The following TENM3 variants were observed in gnomAD, a reference collection of about 807,000 sequenced individuals.
TENM3 encodes teneurin-3.
A neutral mutation model predicts 255.1 loss-of-function variants in TENM3; 63 were observed. The ratio of observed to expected loss-of-function variants is 0.25; its 90% CI spans 0.20 to 0.30. TENM3 has a LOEUF of 0.30. TENM3 is among the 10% of genes least tolerant of loss of function. TENM3 has a pLI of 1.00. For missense variants in TENM3, 2,929 were observed against 3,461.1 expected, an observed-to-expected ratio of 0.85 and a Z score of 3.86; for synonymous variants, 1,306 against 1,322.3, an observed-to-expected ratio of 0.99 and a Z score of 0.27.
the TENM3 span, among the ~76,000 whole-genome samples, chr4:181,683,719 C>G: frequency 2.6e-5 from 4 of 152,162 alleles, no homozygotes; most frequent in Non-Finnish European, 4.4e-5. Flanking sequence ...TGATCCCAAA[C>G]CGTGGCTGCA....
chr4:181,899,969 T>A, the TENM3 span, among the ~76,000 whole-genome samples: 370 of 152,294 alleles, frequency 2.4e-3, 3 homozygotes, highest in African/African-American at 7.6e-3. Context: ...TTAGGACAAA[T>A]TTTTTAACCT....
chr4:181,592,103 A>G, the TENM3 span, among the ~76,000 whole-genome samples: 1 of 152,156 alleles, frequency 6.6e-6, no homozygotes, highest in Non-Finnish European at 1.5e-5. Flanking sequence ...CAAAGCGCCC[A>G]GGAAACTTTT....
chr4:181,572,295 G>A, the TENM3 span, among the ~76,000 whole-genome samples: 2 of 151,988 alleles, frequency 1.3e-5, no homozygotes, highest in African/African-American at 4.8e-5. Flanking sequence ...AGGGGCTCAG[G>A]GAGAAAATCC....
the TENM3 span, among the ~76,000 whole-genome samples, chr4:182,018,648 A>T: frequency 6.6e-6 from 1 of 152,202 alleles, no homozygotes; most frequent in Non-Finnish European, 1.5e-5. Flanking sequence ...TGATAAAGTG[A>T]TCTTTCCTTT....
chr4:182,393,679 T>C (rs1195833907), intron 3 of TENM3, among the ~76,000 whole-genome samples: 3 of 152,184 alleles, frequency 2.0e-5, no homozygotes, highest in East Asian at 1.9e-4. Context: ...TGCATTGATA[T>C]TATTTTTAAA....
In TENM3 at chr4:182,217,009, C is replaced by CTTTTTTTTTTT. The variant is rs3071526; in HGVS notation, c.-76+72276_-76+72286dup. The stretch of plus-strand genomic sequence containing the variant: ...TCTAAATTTCACCATCATTTTCTTT[C>CTTTTTTTTTTT]TTTTTTTTTTTTTTTTTTTTTTTTT... On this transcript the variant is annotated intron_variant, in intron 1 of 2. Transcript: ENST00000512480. Among the ~76,000 whole-genome samples, 171 of 67,528 alleles carry CTTTTTTTTTTT rather than the reference C, an allele frequency of 2.5e-3. 7 individuals are homozygous for CTTTTTTTTTTT. Among genetic ancestry groups the CTTTTTTTTTTT allele is most frequent in the African/African-American group, 6.2e-3 (113 of 18,338 alleles). The allele number at this position is 67,528 out of a possible 152,430, so 44.3% of individuals were successfully genotyped here.
the TENM3 span, among the ~76,000 whole-genome samples, chr4:182,107,185 C>T: frequency 1.4e-5 from 2 of 146,868 alleles, no homozygotes; most frequent in Admixed American, 1.4e-4. Context: ...CACACACACA[C>T]ACTACACAGA....
chr4:182,514,155 C>A lies in TENM3; in HGVS notation c.512-86769C>A, dbSNP rs369752954. On this transcript the variant is annotated intron_variant, in intron 3 of 27. Transcript: ENST00000511685. ...GTCACCTTCTACTCTGCTGGCCTTA[C>A]TACACCTCAGAGCTTCCACTAGTAC... Among the ~76,000 whole-genome samples, 6 of 152,328 alleles carry A rather than the reference C, an allele frequency of 3.9e-5. No individual in the cohort carries two copies. The East Asian group carries it at 9.7e-4, about 25-fold the overall frequency.
At chr4:181,677,337 G>A in the TENM3 span, among the ~76,000 whole-genome samples, 5 of 152,056 alleles carry the variant, frequency 3.3e-5, no homozygotes, top group African/African-American at 9.7e-5. Context: ...TTTAGAGTTC[G>A]TTGGTCTTCC....
At chr4:182,383,831 G>A (rs997398588) in intron 3 of TENM3, among the ~76,000 whole-genome samples, 6 of 152,178 alleles carry the variant, frequency 3.9e-5, no homozygotes, top group Non-Finnish European at 7.3e-5. Flanking sequence ...AACAGAGGAG[G>A]AAACCCAGAA....
chr4:181,998,807 C>A, the TENM3 span, among the ~76,000 whole-genome samples: 1 of 152,076 alleles, frequency 6.6e-6, no homozygotes, highest in Non-Finnish European at 1.5e-5. Flanking sequence ...CTAGAGGTAT[C>A]CTGAAGCAGG....
At chr4:181,689,475 C>A in the TENM3 span, among the ~76,000 whole-genome samples, 2 of 152,134 alleles carry the variant, frequency 1.3e-5, no homozygotes, top group African/African-American at 4.8e-5. Flanking sequence ...AGGGGAAATT[C>A]ACATCTACCA....
the TENM3 span, among the ~76,000 whole-genome samples, chr4:181,904,555 A>T: frequency 6.6e-6 from 1 of 152,204 alleles, no homozygotes; most frequent in Non-Finnish European, 1.5e-5. Context: ...CTAGGTGTTT[A>T]TGTATGGCCT....
chr4:182,544,171 A>C (rs995017838), intron 3 of TENM3, among the ~76,000 whole-genome samples: 2 of 152,100 alleles, frequency 1.3e-5, no homozygotes, highest in South Asian at 2.1e-4. Context: ...TATACATGTA[A>C]GTTTTTAGTT....
the TENM3 span, among the ~76,000 whole-genome samples, chr4:181,578,090 G>T: frequency 2.0e-5 from 3 of 149,066 alleles, no homozygotes; most frequent in East Asian, 1.9e-4. Flanking sequence ...CTCCCTGGAA[G>T]TGGCTGGATC....
chr4:181,812,012 TTCTTAAAAACC>T, the TENM3 span, among the ~76,000 whole-genome samples: 1 of 152,240 alleles, frequency 6.6e-6, no homozygotes, highest in Admixed American at 6.5e-5. Flanking sequence ...AATTTCTCTT[TTCTTAAAAACC>T]GTATCTGGCT....
At chr4:181,852,234 G>C in the TENM3 span, among the ~76,000 whole-genome samples, 1 of 152,212 alleles carries the variant, frequency 6.6e-6, no homozygotes, top group Admixed American at 6.5e-5. Flanking sequence ...CACCTGATTG[G>C]CTGGACATGA....
At position 182,754,819 on chromosome 4, in the gene TENM3, A is replaced by G; in HGVS notation, c.4452A>G (p.Thr1484=). The change falls in exon 22 of 28, where the codon ACA becomes ACG. Residue 1484 remains threonine, a synonymous_variant. Transcript: ENST00000511685. This position sits in a 1 kb window ranked among gnomAD's most constrained non-coding sequence, Gnocchi z 5.1. ...CCCTGGCTGCTTCTCCAGATGGTAC[A>G]CTGTATATTGCAGATCTAGGGAATA... The part of the protein sequence containing the change: ...PSSLAASPDG[T]LYIADLGNIR... 2 of 1,614,052 alleles carry G rather than the reference A, an allele frequency of 1.2e-6. No individual in the cohort carries two copies. Among genetic ancestry groups the G allele is most frequent in the Non-Finnish European group, 1.7e-6 (2 of 1,179,894 alleles).
chr4:182,492,129 T>G (rs1188837646), intron 3 of TENM3, among the ~76,000 whole-genome samples: 1 of 152,146 alleles, frequency 6.6e-6, no homozygotes, highest in African/African-American at 2.4e-5. Context: ...GGGTAGGATC[T>G]CTCCTTATAA....
Sources: allele counts gnomAD v4.1 joint callset (sites outside exome capture counted in the v4.1 genomes callset), GRCh38; gene constraint gnomAD v4.1.1; non-coding constraint Gnocchi (gnomAD v3.1); transcripts MANE v1.5; gene names NCBI Gene and HGNC (gene_info 2026-07-23, HGNC 2026-07-21).